The following SMARCA4 variants were observed in gnomAD, a reference collection of about 807,000 sequenced individuals.
SMARCA4 encodes SWI/SNF related BAF chromatin remodeling complex subunit ATPase 4, also known as SWI/SNF-related matrix-associated actin-dependent regulator of chromatin subfamily A member 4.
Under a neutral mutation model 193.9 loss-of-function variants are expected in SMARCA4, and 31 were observed. That is an observed-to-expected ratio of 0.16 (90% CI 0.12 to 0.22). The LOEUF is 0.22. SMARCA4 is among the 10% of genes least tolerant of loss of function. The probability of loss-of-function intolerance (pLI) is 1.00; values close to 1 mark genes in which losing one functional copy is unlikely to be tolerated. For missense variants in SMARCA4, 1,148 were observed against 2,296.0 expected, an observed-to-expected ratio of 0.50 and a Z score of 10.22; for synonymous variants, 942 against 933.1, an observed-to-expected ratio of 1.01 and a Z score of -0.17.
intron 1 of SMARCA4, among the ~76,000 whole-genome samples, chr19:10,976,069 A>G (rs1227865284): frequency 2.0e-5 from 3 of 152,112 alleles, no homozygotes; most frequent in Non-Finnish European, 2.9e-5. Context: ...GTGACTTATC[A>G]TTGAGGGCCC....
At chr19:11,024,161 C>T (rs2090078508) in intron 20 of SMARCA4, among the ~76,000 whole-genome samples, 170 bp from the exon 21 acceptor site, 1 of 152,166 alleles carries the variant, frequency 6.6e-6, no homozygotes, top group Admixed American at 6.5e-5. Flanking sequence ...CCTCTCATTG[C>T]CCAGGTCTCC....
At chr19:10,997,068 A>G (rs1180790265) in intron 11 of SMARCA4, among the ~76,000 whole-genome samples, 1 of 151,462 alleles carries the variant, frequency 6.6e-6, no homozygotes, top group Non-Finnish European at 1.5e-5. Context: ...TGCCCAGGCT[A>G]GAGTAAAGTG....
intron 29 of SMARCA4, among the ~76,000 whole-genome samples, chr19:11,035,914 A>G (rs1452531043): frequency 6.6e-6 from 1 of 152,228 alleles, no homozygotes; most frequent in Non-Finnish European, 1.5e-5. Flanking sequence ...CCATCCCTGA[A>G]GTTGTGTCAT....
intron 24 of SMARCA4, among the ~76,000 whole-genome samples, chr19:11,029,368 T>C (rs2090482013): frequency 6.6e-6 from 1 of 152,234 alleles, no homozygotes. Flanking sequence ...ACAAGGACTT[T>C]GGTCAGTTGA....
In SMARCA4 at chr19:11,034,319, C is replaced by T; in HGVS notation, c.3951+119C>T. ...TAGCAGGTCAGGGAGCCAGGGACAGCTCACAGTGCAGCCCACTCCCACCTC... is the reference window on the plus strand; with the variant it reads ...TAGCAGGTCAGGGAGCCAGGGACAGTTCACAGTGCAGCCCACTCCCACCTC... On this transcript the variant is annotated intron_variant, in intron 28 of 34. Transcript: ENST00000344626. The surrounding 1 kb of genome is among the most constrained non-coding windows in gnomAD (Gnocchi z 7.0). 3.7e-6 allele frequency: 3 copies of T among 804,074 alleles called. No homozygotes were observed. 49.8% of individuals were successfully genotyped at this position (804,074 alleles called of 1,614,324 possible).
chr19:10,982,638 T>C (rs978412319), intron 1 of SMARCA4, among the ~76,000 whole-genome samples: 1 of 151,896 alleles, frequency 6.6e-6, no homozygotes, highest in Non-Finnish European at 1.5e-5. Context: ...TAGCTGGGAC[T>C]ACAGGTGCCT....
rs1403269611 is a variant in SMARCA4, at chr19:11,034,959, C to A, written c.3997C>A (p.Arg1333=). The change falls in exon 29 of 35, where the codon CGG becomes AGG. Residue 1333 remains arginine (R), a synonymous_variant. Transcript: ENST00000344626. The surrounding 1 kb of genome is among the most constrained non-coding windows in gnomAD (Gnocchi z 7.0). ...GCGCGAGGAGGCCCGCAACCCCAAG[C>A]GGAAGCCGCGCCTCATGGAGGAGGA... The part of the protein sequence containing the change: ...RRREEARNPK[R]KPRLMEEDEL... 1.3e-6 allele frequency: 2 copies of A among 1,596,236 alleles called. No individual in the cohort carries two copies. Among genetic ancestry groups the A allele is most frequent in the African/African-American group, 2.7e-5 (2 of 74,710 alleles).
In SMARCA4 at chr19:10,984,208, C is replaced by T. The variant is rs778795986; in HGVS notation, c.57C>T (p.Gly19=). ...GGTPRPGPSP[G]PGPSPGAMLG... ...CTCCTCGGCCAGGTCCTTCCCCGGG[C>T]CCTGGCCCTTCCCCTGGAGCCATGC... Residue 19 remains glycine, a synonymous_variant, in exon 2 of 35, where the codon GGC becomes GGT. Transcript: ENST00000344626. The surrounding 1 kb of genome is among the most constrained non-coding windows in gnomAD (Gnocchi z 4.3). 6.2e-7 allele frequency: 1 copy of T among 1,611,776 alleles called. No individual in the cohort carries two copies. Among genetic ancestry groups the T allele is most frequent in the Non-Finnish European group, 8.5e-7 (1 of 1,178,392 alleles).
rs1162148540 is a variant in SMARCA4 at position 10,977,322 on chromosome 19, G to T, written c.-31-6799G>T. ...GCGTTACGGACTCGAGTTTTTTTTT[G>T]TTTTGTTTTTGTTTTTTTTGAGATG... On this transcript the variant is annotated intron_variant, in intron 1 of 34. Coordinates refer to ENST00000344626, the MANE Select transcript of SMARCA4 (RefSeq NM_003072.5). Among the ~76,000 whole-genome samples, 5 of 151,684 alleles carry T rather than the reference G, an allele frequency of 3.3e-5. No individual in the cohort carries two copies. The South Asian group carries it at 6.3e-4, about 19-fold the overall frequency.
intron 30 of SMARCA4, among the ~76,000 whole-genome samples, chr19:11,048,092 C>T (rs1157575322): frequency 6.6e-6 from 1 of 152,148 alleles, no homozygotes; most frequent in Non-Finnish European, 1.5e-5. Flanking sequence ...CTTCCTTGGC[C>T]CCACACAGCT....
intron 16 of SMARCA4, among the ~76,000 whole-genome samples, chr19:11,015,217 G>A (rs187505030): frequency 1.6e-4 from 25 of 152,266 alleles, no homozygotes; most frequent in Non-Finnish European, 2.9e-4. Context: ...ATGAAAACCA[G>A]GAAGATAACA....
At position 11,058,679 on chromosome 19, in the gene SMARCA4, C is replaced by G. The variant is rs2076683716; in HGVS notation, c.4534-109C>G. The stretch of plus-strand genomic sequence containing the variant: ...CCGAGGCTGGCGCTTCGGCCACATC[C>G]TCATAGGCACGAGGAATCCTAGCCC... On this transcript the variant is annotated intron_variant, in intron 31 of 34. Coordinates refer to ENST00000344626, the MANE Select transcript of SMARCA4 (RefSeq NM_003072.5). This position sits in a 1 kb window ranked among gnomAD's most constrained non-coding sequence, Gnocchi z 5.8. 1 of 951,178 alleles carries G rather than the reference C, an allele frequency of 1.1e-6. No individual in the cohort carries two copies. The highest frequency in any genetic ancestry group is 2.5e-5 in the East Asian group (1 of 39,688). 58.9% of individuals were successfully genotyped at this position (951,178 alleles called of 1,614,324 possible). A position where few individuals can be genotyped will look rare whatever the true frequency, so the allele number is the denominator to read the frequency against.
Position 10,989,424 on chromosome 19 carries a change from T to A in SMARCA4, c.1226T>A (p.Leu409Gln), listed in dbSNP as rs755088211. 6.2e-7 allele frequency: 1 copy of A among 1,614,044 alleles called. No homozygotes were observed. The highest frequency in any genetic ancestry group is 8.5e-7 in the Non-Finnish European group (1 of 1,180,012). Residue 409 changes from leucine to glutamine, a missense_variant, in exon 7 of 35, where the codon CTG (leucine) becomes CAG (glutamine). Leu to Gln is a moderately radical substitution (Grantham distance 113, BLOSUM62 -2). Transcript: ENST00000344626. ...ACCATTGAGCTCAAGGCCCTCAGGC[T>A]GCTGAACTTCCAGAGGCAGGTGGGT... is the stretch of plus-strand genomic sequence containing the variant. The part of the protein sequence containing the change: ...KATIELKALR[L>Q]LNFQRQLRQE...
intron 29 of SMARCA4, among the ~76,000 whole-genome samples, chr19:11,036,132 C>T (rs1404649402): frequency 6.6e-6 from 1 of 152,190 alleles, no homozygotes; most frequent in Admixed American, 6.5e-5. Context: ...ACCAGGAGCC[C>T]AGGTGACAGA....
At chr19:11,011,067 C>A in intron 15 of SMARCA4, 1 of 215,514 alleles carries the variant, frequency 4.6e-6, no homozygotes, top group Non-Finnish European at 9.5e-6. Flanking sequence ...GGCTCTGAAG[C>A]TCTTCACCTG....
In SMARCA4 at chr19:10,985,340, G is replaced by C. The variant is rs1056057044; in HGVS notation, c.290G>C (p.Gly97Ala). ...DPRYNQMKGM[G>A]MRSGGHAGMG... ...CGCTACAACCAGATGAAAGGAATGG[G>C]GATGCGGTCAGGGGGCCATGCTGGG... The change falls in exon 3 of 35, where the codon GGG becomes GCG. Residue 97 changes from glycine (G) to alanine (A), a missense_variant. By Grantham distance (60) the Gly-to-Ala change is moderately conservative. Coordinates refer to ENST00000344626, the MANE Select transcript of SMARCA4 (RefSeq NM_003072.5). This position sits in a 1 kb window ranked among gnomAD's most constrained non-coding sequence, Gnocchi z 4.5. The C allele has an allele frequency of 1.9e-6, 3 of 1,614,078 alleles. No individual in the cohort carries two copies. The highest frequency in any genetic ancestry group is 1.7e-6 in the Non-Finnish European group (2 of 1,179,976).
chr19:10,989,647 A>G (rs1343101244), intron 7 of SMARCA4, among the ~76,000 whole-genome samples: 1 of 151,618 alleles, frequency 6.6e-6, no homozygotes, highest in African/African-American at 2.4e-5. Flanking sequence ...TCACTACCCT[A>G]AAGCACTTGC....
intron 9 of SMARCA4, chr19:10,995,623 C>T: frequency 2.5e-6 from 1 of 396,526 alleles, no homozygotes; most frequent in East Asian, 7.2e-5. Flanking sequence ...GAGCCCCAGG[C>T]AGTGCGGACA....
chr19:10,969,630 G>A (rs1041554745), intron 1 of SMARCA4, among the ~76,000 whole-genome samples: 5 of 150,848 alleles, frequency 3.3e-5, no homozygotes, highest in African/African-American at 9.8e-5. Context: ...GGGTTTCTCC[G>A]TGTTGGTCAG....
Sources: gnomAD v4.1 joint callset for allele counts (sites outside exome capture counted in the v4.1 genomes callset) on GRCh38, gnomAD v4.1.1 for gene constraint, Gnocchi (gnomAD v3.1) non-coding constraint, MANE v1.5 for transcripts, NCBI Gene and HGNC (gene_info 2026-07-23, HGNC 2026-07-21) for gene names.